SMAD1: variants seen among roughly 807,000 people sequenced by gnomAD.
The protein encoded by SMAD1 is MAD, mothers against decapentaplegic homolog 1.
Under a neutral mutation model 41.6 loss-of-function variants are expected in SMAD1, and 6 were observed. The observed-to-expected ratio is 0.14, with a 90% CI of 0.08 to 0.28. SMAD1 has a LOEUF of 0.28. Ranked by LOEUF, SMAD1 falls within the 10% of genes least tolerant of loss-of-function variation. SMAD1 has a pLI of 1.00. For synonymous variants in SMAD1, 206 were observed against 203.2 expected, an observed-to-expected ratio of 1.01 and a Z score of -0.12; for missense variants, 379 against 582.6, an observed-to-expected ratio of 0.65 and a Z score of 3.60.
chr4:145,551,675 C>A (rs1055831421), intron 5 of SMAD1, among the ~76,000 whole-genome samples: 3 of 152,148 alleles, frequency 2.0e-5, no homozygotes, highest in African/African-American at 7.2e-5. Flanking sequence ...AGAGCATATC[C>A]AGCCTCACAG....
At chr4:145,488,555 G>A (rs1213930096) in intron 1 of SMAD1, among the ~76,000 whole-genome samples, 2 of 143,602 alleles carry the variant, frequency 1.4e-5, no homozygotes, top group Non-Finnish European at 3.0e-5. Flanking sequence ...GACCTTTATA[G>A]CTTTTTTTTC....
rs188431465 is a variant in SMAD1, at chr4:145,519,127, G to A, written c.400+4114G>A. Among the ~76,000 whole-genome samples, 380 of 76,034 alleles carry A rather than the reference G, an allele frequency of 5.0e-3. 15 individuals are homozygous for A. The highest frequency in any genetic ancestry group is 0.015 in the African/African-American group (353 of 24,180). 49.9% of individuals were successfully genotyped at this position (76,034 alleles called of 152,430 possible). On this transcript the variant is annotated intron_variant, in intron 2 of 6. Coordinates refer to ENST00000302085, the MANE Select transcript of SMAD1 (RefSeq NM_005900.3). ...TTTTTTTTTTTTGAGGTAGAGTCTCGCTCTGTTGACCAGGCTGGAGTGCAG... is the reference window on the plus strand; with the variant it reads ...TTTTTTTTTTTTGAGGTAGAGTCTCACTCTGTTGACCAGGCTGGAGTGCAG...
chr4:145,524,584 T>TA (rs1730928051), intron 2 of SMAD1, among the ~76,000 whole-genome samples: 2 of 152,352 alleles, frequency 1.3e-5, no homozygotes, highest in South Asian at 4.1e-4. Context: ...TCATACAAAG[T>TA]ACCTTTCTCA....
At chr4:145,522,823 A>T (rs535539069) in intron 2 of SMAD1, among the ~76,000 whole-genome samples, 1 of 151,866 alleles carries the variant, frequency 6.6e-6, no homozygotes, top group Admixed American at 6.6e-5. Context: ...GGGATTACAG[A>T]CACCCGCCAC....
At chr4:145,538,438 C>A (rs1372455967) in intron 2 of SMAD1, among the ~76,000 whole-genome samples, 1 of 152,062 alleles carries the variant, frequency 6.6e-6, no homozygotes, top group East Asian at 1.9e-4. Flanking sequence ...AAATCTGATG[C>A]TATGGGATTA....
intron 2 of SMAD1, among the ~76,000 whole-genome samples, chr4:145,535,766 G>A (rs1731577183): frequency 6.6e-6 from 1 of 152,016 alleles, no homozygotes; most frequent in South Asian, 2.1e-4. Context: ...TCATGTTAAT[G>A]TTGATTTAAT....
rs1730279519 is a variant in SMAD1 at position 145,514,780 on chromosome 4, G to A, written c.167G>A (p.Ser56Asn). The change falls in exon 2 of 7, where the codon AGC becomes AAC. Residue 56 changes from serine (S) to asparagine (N), a missense_variant. Ser to Asn is a conservative substitution (Grantham distance 46). Transcript: ENST00000302085. This position sits in a 1 kb window ranked among gnomAD's most constrained non-coding sequence, Gnocchi z 4.7. ...GAMEELEKAL[S>N]CPGQPSNCVT... ...ATGGAGGAACTGGAAAAGGCCTTGAGCTGCCCAGGGCAACCGAGTAACTGT... is the reference window on the plus strand; with the variant it reads ...ATGGAGGAACTGGAAAAGGCCTTGAACTGCCCAGGGCAACCGAGTAACTGT... 6.2e-7 allele frequency: 1 copy of A among 1,614,136 alleles called. No homozygotes were observed. The highest frequency in any genetic ancestry group is 8.5e-7 in the Non-Finnish European group (1 of 1,180,030).
intron 1 of SMAD1, among the ~76,000 whole-genome samples, chr4:145,498,364 T>C (rs1473777131): frequency 6.6e-6 from 1 of 152,250 alleles, no homozygotes. Context: ...AGAATACATT[T>C]CTCTGAAAAT....
chr4:145,552,969 A>G (rs573223425), intron 5 of SMAD1, among the ~76,000 whole-genome samples: 6 of 152,172 alleles, frequency 3.9e-5, no homozygotes, highest in Admixed American at 6.5e-5. Context: ...CAGTGGCTCA[A>G]TCACAGCTCA....
chr4:145,536,629 A>C (rs539762931), intron 2 of SMAD1, among the ~76,000 whole-genome samples: 12 of 152,352 alleles, frequency 7.9e-5, no homozygotes, highest in African/African-American at 2.9e-4. Context: ...AATTCTGACT[A>C]ATAATGAAGG....
At chr4:145,547,295 A>C (rs940241553) in intron 5 of SMAD1, among the ~76,000 whole-genome samples, 1 of 113,402 alleles carries the variant, frequency 8.8e-6, no homozygotes, top group Non-Finnish European at 1.6e-5. Flanking sequence ...ATAACTCAGT[A>C]AATAGAAAAG....
intron 2 of SMAD1, chr4:145,525,743 A>T (rs1730986601): frequency 6.6e-6 from 1 of 152,228 alleles, no homozygotes; most frequent in Non-Finnish European, 1.5e-5. Flanking sequence ...CCTCAACAGG[A>T]TTTCTCTAGC....
intron 2 of SMAD1, among the ~76,000 whole-genome samples, chr4:145,532,844 A>G (rs1307956782): frequency 6.6e-6 from 1 of 152,246 alleles, no homozygotes; most frequent in East Asian, 1.9e-4. Context: ...TTGGGCCTGC[A>G]GTTTGCAAAT....
chr4:145,555,125 A>G (rs1432607523), intron 6 of SMAD1, among the ~76,000 whole-genome samples: 1 of 152,170 alleles, frequency 6.6e-6, no homozygotes, highest in Non-Finnish European at 1.5e-5. Context: ...GTATACTTCA[A>G]CAGTTATTTG....
At chr4:145,549,022 A>T (rs556720177) in intron 5 of SMAD1, among the ~76,000 whole-genome samples, 1 of 152,188 alleles carries the variant, frequency 6.6e-6, no homozygotes, top group Non-Finnish European at 1.5e-5. Flanking sequence ...TCCTGAGGAA[A>T]TATCAGACAG....
chr4:145,524,137 A>G (rs1293692365), intron 2 of SMAD1, among the ~76,000 whole-genome samples: 4 of 152,184 alleles, frequency 2.6e-5, no homozygotes, highest in Non-Finnish European at 5.9e-5. Flanking sequence ...GGACATGGAG[A>G]TAAGACAGTG....
Position 145,559,063 on chromosome 4 carries a change from CT to C in SMAD1, c.*1133del, listed in dbSNP as rs1442502054. On this transcript the variant is annotated 3_prime_UTR_variant, in exon 7 of 7. Transcript: ENST00000302085. ...TTGGTTTTATTTTCCTTCTGTTAAT[CT>C]TTTGTATTCACTTATGCTCTCGTAC... 1.3e-5 allele frequency among the ~76,000 whole-genome samples: 2 copies of C among 152,122 alleles called. No individual in the cohort carries two copies. The highest frequency in any genetic ancestry group is 2.9e-5 in the Non-Finnish European group (2 of 68,010).
At chr4:145,557,330 C>G (rs1732898517) in intron 6 of SMAD1, among the ~76,000 whole-genome samples, 1 of 152,128 alleles carries the variant, frequency 6.6e-6, no homozygotes. Context: ...ATTGAAAGAT[C>G]AAGAGCTGTG....
intron 2 of SMAD1, among the ~76,000 whole-genome samples, chr4:145,535,810 GA>G (rs1000591470): frequency 1.3e-5 from 2 of 151,976 alleles, no homozygotes; most frequent in African/African-American, 4.8e-5. Flanking sequence ...AAGAATGAGA[GA>G]GGGGAACTCC....
Sources: gnomAD v4.1 joint callset for allele counts (sites outside exome capture counted in the v4.1 genomes callset) on GRCh38, gnomAD v4.1.1 for gene constraint, Gnocchi (gnomAD v3.1) non-coding constraint, MANE v1.5 for transcripts, NCBI Gene and HGNC (gene_info 2026-07-23, HGNC 2026-07-21) for gene names.